The following ANKRD13C variants were observed in gnomAD, a reference collection of about 807,000 sequenced individuals.
ANKRD13C encodes the protein ankyrin repeat domain 13C, also known as ankyrin repeat domain-containing protein 13C.
ANKRD13C carries 16 observed loss-of-function variants against 65.5 expected under a neutral mutation model. The ratio of observed to expected loss-of-function variants is 0.24; its 90% CI spans 0.17 to 0.37. ANKRD13C has a LOEUF of 0.37. Ranked by LOEUF, ANKRD13C falls within the 10% of genes least tolerant of loss-of-function variation. The pLI, the probability that ANKRD13C is intolerant of heterozygous loss-of-function variation, is 1.00. For synonymous variants in ANKRD13C, 235 were observed against 238.7 expected (o/e 0.98, Z 0.14); for missense variants, 503 against 655.9 (o/e 0.77, Z 2.55).
intron 10 of ANKRD13C, among the ~76,000 whole-genome samples, chr1:70,276,341 G>A (rs1009284364): frequency 6.6e-6 from 1 of 152,120 alleles, no homozygotes; most frequent in African/African-American, 2.4e-5. Flanking sequence ...TGACAGGTGA[G>A]GAGCTTGGAA....
intron 12 of ANKRD13C, among the ~76,000 whole-genome samples, chr1:70,269,868 A>C (rs1324561906): frequency 7.9e-5 from 12 of 152,170 alleles, no homozygotes; most frequent in Admixed American, 7.9e-4. Flanking sequence ...AAAATATTGG[A>C]TAAAACAAGA....
intron 2 of ANKRD13C, among the ~76,000 whole-genome samples, chr1:70,326,689 A>C (rs1458729787): frequency 2.0e-5 from 3 of 152,198 alleles, no homozygotes; most frequent in Admixed American, 1.3e-4. Flanking sequence ...ATTATACTGG[A>C]AACAAAGTGA....
intron 6 of ANKRD13C, 170 bp downstream of exon 6, chr1:70,306,054 G>A (rs889736267): frequency 8.2e-6 from 3 of 365,828 alleles, no homozygotes; most frequent in Non-Finnish European, 1.5e-5. Flanking sequence ...ATAAAAAAAG[G>A]TTCTATGTCT....
At chr1:70,284,915 T>A (rs1679549966) in intron 9 of ANKRD13C, among the ~76,000 whole-genome samples, 1 of 152,142 alleles carries the variant, frequency 6.6e-6, no homozygotes, top group Non-Finnish European at 1.5e-5. Flanking sequence ...ACGAAAGACA[T>A]CCAATAAATG....
At chr1:70,352,425 C>G (rs1269438823) in intron 1 of ANKRD13C, among the ~76,000 whole-genome samples, 2 of 148,122 alleles carry the variant, frequency 1.4e-5, no homozygotes, top group African/African-American at 5.0e-5. Context: ...TTACTTTGAA[C>G]AGAATTTGAA....
Position 70,259,538 on chromosome 1 carries a change from C to T in ANKRD13C, c.*3179G>A, listed in dbSNP as rs957211920. On this transcript the variant is annotated 3_prime_UTR_variant, in exon 13 of 13. Transcript: ENST00000370944. ...ATGATGTAAAAAATGTGATTCTTAA[C>T]ATGTTATGAAATTTTTAGGTGGCAA... Among the ~76,000 whole-genome samples the T allele has an allele frequency of 3.9e-5, 6 of 152,164 alleles. No individual in the cohort carries two copies. The highest frequency in any genetic ancestry group is 1.4e-4 in the African/African-American group (6 of 41,438).
chr1:70,354,446 C>T lies in ANKRD13C; in HGVS notation c.-38G>A, dbSNP rs756215744. The T allele has an allele frequency of 6.3e-7, 1 of 1,582,310 alleles. No homozygotes were observed. Among genetic ancestry groups the T allele is most frequent in the East Asian group, 2.3e-5 (1 of 44,380 alleles). ...GGGCAAGGGGGGGAATCGGGAGGCTCACCGCTGGCGACGGAGCTGGCGCTG... is the reference window on the plus strand; with the variant it reads ...GGGCAAGGGGGGGAATCGGGAGGCTTACCGCTGGCGACGGAGCTGGCGCTG... On this transcript the variant is annotated 5_prime_UTR_variant, in exon 1 of 13. Coordinates refer to ENST00000370944, the MANE Select transcript of ANKRD13C (RefSeq NM_030816.5).
At chr1:70,262,942 G>GAA in intron 12 of ANKRD13C, 95 bp from the exon 13 acceptor site, 3 of 315,444 alleles carry the variant, frequency 9.5e-6, no homozygotes, top group Non-Finnish European at 9.3e-6. Flanking sequence ...TCCTTAAAAT[G>GAA]TAAAAAAAAA....
At chr1:70,294,906 G>A (rs544004341) in intron 8 of ANKRD13C, among the ~76,000 whole-genome samples, 1 of 152,226 alleles carries the variant, frequency 6.6e-6, no homozygotes, top group African/African-American at 2.4e-5. Flanking sequence ...CAGCCTGCTA[G>A]ATTGCTCTAC....
chr1:70,306,983 C>T (rs1158195408), intron 5 of ANKRD13C, among the ~76,000 whole-genome samples: 3 of 152,058 alleles, frequency 2.0e-5, no homozygotes, highest in Non-Finnish European at 4.4e-5. Context: ...TAATAAACTA[C>T]CACGTACAAA....
At chr1:70,352,663 C>T (rs1233103234) in intron 1 of ANKRD13C, among the ~76,000 whole-genome samples, 1 of 152,098 alleles carries the variant, frequency 6.6e-6, no homozygotes, top group Non-Finnish European at 1.5e-5. Flanking sequence ...AAGCTACAAC[C>T]CATCTCCCAC....
At chr1:70,335,063 T>C (rs1681961297) in intron 2 of ANKRD13C, among the ~76,000 whole-genome samples, 1 of 152,120 alleles carries the variant, frequency 6.6e-6, no homozygotes, top group Non-Finnish European at 1.5e-5. Context: ...AAAAAAAATC[T>C]TAACAGAAGT....
At chr1:70,269,967 C>T (rs1052081587) in intron 12 of ANKRD13C, among the ~76,000 whole-genome samples, 1 of 152,112 alleles carries the variant, frequency 6.6e-6, no homozygotes, top group Non-Finnish European at 1.5e-5. Flanking sequence ...TGAATTAATG[C>T]TAAATCTAAA....
intron 12 of ANKRD13C, among the ~76,000 whole-genome samples, chr1:70,270,305 T>C (rs569237213): frequency 1.4e-4 from 22 of 152,330 alleles, no homozygotes; most frequent in Non-Finnish European, 2.5e-4. Context: ...ATAGATCCCT[T>C]ACATTTAATT....
At chr1:70,276,190 T>C (rs912202100) in intron 10 of ANKRD13C, among the ~76,000 whole-genome samples, 1 of 152,156 alleles carries the variant, frequency 6.6e-6, no homozygotes, top group African/African-American at 2.4e-5. Flanking sequence ...TCTTTATTCA[T>C]TCATCATTCT....
intron 7 of ANKRD13C, among the ~76,000 whole-genome samples, chr1:70,297,899 G>A: frequency 7.4e-6 from 1 of 135,626 alleles, no homozygotes. Context: ...CCTGGAGACA[G>A]AGAGAGACTC....
chr1:70,345,476 A>G (rs1302680901), intron 1 of ANKRD13C, among the ~76,000 whole-genome samples: 2 of 152,154 alleles, frequency 1.3e-5, no homozygotes, highest in Non-Finnish European at 2.9e-5. Flanking sequence ...CATATAAATA[A>G]GTTTTTTGTA....
intron 3 of ANKRD13C, among the ~76,000 whole-genome samples, chr1:70,317,401 GT>G (rs981439040): frequency 3.3e-5 from 5 of 151,984 alleles, no homozygotes; most frequent in Non-Finnish European, 7.4e-5. Flanking sequence ...ACTAGAATGA[GT>G]TTTTTCTTAA....
intron 11 of ANKRD13C, among the ~76,000 whole-genome samples, chr1:70,271,654 T>C (rs928836747): frequency 6.6e-6 from 1 of 152,196 alleles, no homozygotes; most frequent in Admixed American, 6.5e-5. Flanking sequence ...GCTGATTTTA[T>C]CCCTTTTCTG....
Sources: allele counts gnomAD v4.1 joint callset (sites outside exome capture counted in the v4.1 genomes callset), GRCh38; gene constraint gnomAD v4.1.1; transcripts MANE v1.5; gene names NCBI Gene and HGNC (gene_info 2026-07-23, HGNC 2026-07-21).